STK39: variants seen among roughly 807,000 people sequenced by gnomAD.
STK39 encodes serine/threonine kinase 39, also known as STE20/SPS1-related proline-alanine-rich protein kinase.
Under a neutral mutation model 77.8 loss-of-function variants are expected in STK39, and 20 were observed. The ratio of observed to expected loss-of-function variants is 0.26; its 90% CI spans 0.18 to 0.37. The LOEUF (loss-of-function observed/expected upper bound fraction) is 0.37, where lower values mean the gene tolerates loss of function less well. Ranked by LOEUF, STK39 falls within the 10% of genes least tolerant of loss-of-function variation. STK39 has a pLI of 1.00. For synonymous variants in STK39, 246 were observed against 234.1 expected, an observed-to-expected ratio of 1.05 and a Z score of -0.47; for missense variants, 479 against 656.5, an observed-to-expected ratio of 0.73 and a Z score of 2.95.
intron 15 of STK39, among the ~76,000 whole-genome samples, chr2:168,015,697 A>T (rs752267324): frequency 6.6e-6 from 1 of 152,258 alleles, no homozygotes; most frequent in Non-Finnish European, 1.5e-5. Context: ...GATGAAAAGA[A>T]ACAATCTTAA....
chr2:168,244,630 C>T (rs143809479), intron 1 of STK39, among the ~76,000 whole-genome samples: 34 of 152,354 alleles, frequency 2.2e-4, no homozygotes, highest in African/African-American at 5.8e-4. Context: ...AATCTCTCAA[C>T]TAGCATTAAA....
At chr2:168,152,078 G>C (rs535915362) in intron 5 of STK39, among the ~76,000 whole-genome samples, 6 of 152,332 alleles carry the variant, frequency 3.9e-5, no homozygotes, top group South Asian at 2.1e-4. Flanking sequence ...AGAAGGGAAG[G>C]CTGGAGCAGG....
chr2:168,143,864 C>T (rs1414298388), intron 5 of STK39, among the ~76,000 whole-genome samples: 2 of 152,222 alleles, frequency 1.3e-5, no homozygotes, highest in Non-Finnish European at 1.5e-5. Flanking sequence ...CTGATCCCAT[C>T]ACCTCCTTGG....
At chr2:168,186,359 A>G (rs1459125011) in intron 1 of STK39, among the ~76,000 whole-genome samples, 1 of 152,210 alleles carries the variant, frequency 6.6e-6, no homozygotes, top group Admixed American at 6.5e-5. Context: ...CAGCCCAAGC[A>G]GACTAATACA....
intron 5 of STK39, among the ~76,000 whole-genome samples, chr2:168,152,381 T>C (rs1261012118): frequency 1.3e-5 from 2 of 152,190 alleles, no homozygotes; most frequent in Non-Finnish European, 2.9e-5. Flanking sequence ...AGAATGTCTT[T>C]AAGTGACTGC....
At chr2:168,108,575 A>AG (rs1300797936) in intron 10 of STK39, among the ~76,000 whole-genome samples, 5 of 151,972 alleles carry the variant, frequency 3.3e-5, no homozygotes, top group Non-Finnish European at 7.4e-5. Flanking sequence ...AGAAAATAAA[A>AG]AAAAAAAGAA....
chr2:167,980,881 T>C (rs1683400299), intron 16 of STK39, among the ~76,000 whole-genome samples: 1 of 142,942 alleles, frequency 7.0e-6, no homozygotes, highest in Non-Finnish European at 1.5e-5. Context: ...TCTTCATTTC[T>C]TCTTCTTCTT....
At chr2:167,996,427 A>C (rs1347837925) in intron 16 of STK39, among the ~76,000 whole-genome samples, 3 of 152,222 alleles carry the variant, frequency 2.0e-5, no homozygotes, top group Non-Finnish European at 4.4e-5. Flanking sequence ...GTCTGTACAA[A>C]CGAGTTTGTT....
chr2:168,199,127 T>C (rs1310309888), intron 1 of STK39, among the ~76,000 whole-genome samples: 1 of 152,200 alleles, frequency 6.6e-6, no homozygotes, highest in Non-Finnish European at 1.5e-5. Flanking sequence ...AGAAAAATCC[T>C]ATATTCCTTA....
rs1004420736 is a variant in STK39 at position 168,102,925 on chromosome 2, G to A, written c.1089+26616C>T. 1.1e-3 allele frequency among the ~76,000 whole-genome samples: 93 copies of A among 85,546 alleles called. 1 individual carries two copies. Among genetic ancestry groups the A allele is most frequent in the African/African-American group, 5.1e-3 (90 of 17,580 alleles). The allele number at this position is 85,546 out of a possible 152,430, so 56.1% of individuals were successfully genotyped here. A position where few individuals can be genotyped will look rare whatever the true frequency, so the allele number is the denominator to read the frequency against. On this transcript the variant is annotated intron_variant, in intron 10 of 17. Coordinates refer to ENST00000355999, the MANE Select transcript of STK39 (RefSeq NM_013233.3). ...AGCCTGGGCGACAGAGCGAGAATCC[G>A]TCTCAAAAAAAAAAAAAAAAAAAAA...
chr2:168,247,087 AAAC>A, intron 1 of STK39, 138 bp downstream of exon 1: 6 of 296,774 alleles, frequency 2.0e-5, no homozygotes, highest in African/African-American at 4.7e-5. Flanking sequence ...AAAAAAAAAA[AAAC>A]TGTTGAAGCC....
chr2:168,160,170 G>C (rs576979360), intron 5 of STK39, among the ~76,000 whole-genome samples: 3 of 152,330 alleles, frequency 2.0e-5, no homozygotes, highest in African/African-American at 7.2e-5. Context: ...GGCAGGGGCT[G>C]ACCAGCCTTC....
chr2:168,051,744 C>A (rs1486131176), intron 14 of STK39, among the ~76,000 whole-genome samples: 1 of 152,138 alleles, frequency 6.6e-6, no homozygotes, highest in Admixed American at 6.5e-5. Flanking sequence ...CAAGCCACAG[C>A]GCCCAGCCCC....
At chr2:167,961,977 A>G (rs145055802) in intron 17 of STK39, among the ~76,000 whole-genome samples, 126 of 152,302 alleles carry the variant, frequency 8.3e-4, no homozygotes, top group African/African-American at 3.0e-3. Context: ...CCATGCTCTC[A>G]ACAACCATTC....
intron 16 of STK39, among the ~76,000 whole-genome samples, chr2:167,987,725 AC>A (rs1297885939): frequency 6.6e-6 from 1 of 151,914 alleles, no homozygotes; most frequent in Non-Finnish European, 1.5e-5. Context: ...CCTCCAAATA[AC>A]CCCCAAATAA....
At chr2:167,984,504 C>CTGGG (rs1233679177) in intron 16 of STK39, among the ~76,000 whole-genome samples, 3 of 152,208 alleles carry the variant, frequency 2.0e-5, no homozygotes, top group Admixed American at 1.3e-4. Flanking sequence ...GAGGCTGAAG[C>CTGGG]TGGGCATCAG....
chr2:167,957,893 A>G (rs1053120694), intron 17 of STK39, among the ~76,000 whole-genome samples: 1 of 152,210 alleles, frequency 6.6e-6, no homozygotes, highest in Non-Finnish European at 1.5e-5. Flanking sequence ...GAGTCTTCAC[A>G]AAGTTCCTAC....
chr2:168,094,800 C>T (rs1328441168), intron 10 of STK39, among the ~76,000 whole-genome samples: 1 of 152,136 alleles, frequency 6.6e-6, no homozygotes, highest in African/African-American at 2.4e-5. Context: ...TGAGAAGACA[C>T]CTTCAAACGG....
At chr2:168,178,676 A>C (rs1689010600) in intron 2 of STK39, among the ~76,000 whole-genome samples, 1 of 152,222 alleles carries the variant, frequency 6.6e-6, no homozygotes, top group Admixed American at 6.5e-5. Context: ...TCAATTATTT[A>C]GCACCAATGA....
Sources: gnomAD v4.1 joint callset for allele counts (sites outside exome capture counted in the v4.1 genomes callset) on GRCh38, gnomAD v4.1.1 for gene constraint, MANE v1.5 for transcripts, NCBI Gene and HGNC (gene_info 2026-07-23, HGNC 2026-07-21) for gene names.